KLHL32: variants seen among roughly 807,000 people sequenced by gnomAD.
KLHL32 encodes kelch like family member 32, also known as kelch-like protein 32.
KLHL32 carries 35 observed loss-of-function variants against 64.8 expected under a neutral mutation model. The observed-to-expected ratio is 0.54, with a 90% CI of 0.41 to 0.72. The LOEUF (loss-of-function observed/expected upper bound fraction) is 0.72. Ranked by LOEUF, KLHL32 falls within the 30% of genes least tolerant of loss-of-function variation. The probability of loss-of-function intolerance (pLI) is 0.00; values close to 1 mark genes in which losing one functional copy is unlikely to be tolerated. For synonymous variants in KLHL32, 259 were observed against 281.0 expected, an observed-to-expected ratio of 0.92 and a Z score of 0.78; for missense variants, 589 against 768.5, an observed-to-expected ratio of 0.77 and a Z score of 2.76.
intron 6 of KLHL32, among the ~76,000 whole-genome samples, chr6:97,086,444 G>A (rs1415785913): frequency 6.6e-6 from 1 of 152,130 alleles, no homozygotes; most frequent in Non-Finnish European, 1.5e-5. Flanking sequence ...CGTCCTGAAG[G>A]CCTTCTGGGT....
chr6:96,967,766 A>G (rs1774626966), intron 2 of KLHL32, among the ~76,000 whole-genome samples: 1 of 152,200 alleles, frequency 6.6e-6, no homozygotes, highest in African/African-American at 2.4e-5. Flanking sequence ...AATAATTGTG[A>G]AAGTGCTCTG....
chr6:97,135,433 G>GTAAC (rs1799897147), intron 10 of KLHL32, among the ~76,000 whole-genome samples: 2 of 149,924 alleles, frequency 1.3e-5, no homozygotes, highest in Admixed American at 6.7e-5. Context: ...AGCCTCCTGA[G>GTAAC]TAACTGGGAT....
intron 6 of KLHL32, among the ~76,000 whole-genome samples, chr6:97,095,472 A>T (rs979539199): frequency 6.6e-6 from 1 of 152,174 alleles, no homozygotes; most frequent in Non-Finnish European, 1.5e-5. Flanking sequence ...CACCCCTTGG[A>T]TTCTGGGAGT....
intron 3 of KLHL32, among the ~76,000 whole-genome samples, chr6:96,993,939 C>T (rs1185686059): frequency 2.0e-5 from 3 of 151,934 alleles, no homozygotes; most frequent in Non-Finnish European, 4.4e-5. Context: ...TGGAGAGAGA[C>T]ATTATTATTC....
At chr6:96,912,671 TAAACTG>T in the KLHL32 span, among the ~76,000 whole-genome samples, 1 of 152,214 alleles carries the variant, frequency 6.6e-6, no homozygotes, top group Admixed American at 6.5e-5. Flanking sequence ...GCTTAGGACT[TAAACTG>T]AAACATACAA....
chr6:97,132,634 T>G lies in KLHL32; in HGVS notation c.1607-19T>G. ...AGAAATGGATTTTTTTTCTTTTTATTCAATTCTCTTTACTTTAGGCCAAAA... is the reference window on the plus strand; with the variant it reads ...AGAAATGGATTTTTTTTCTTTTTATGCAATTCTCTTTACTTTAGGCCAAAA... On this transcript the variant is annotated intron_variant, in intron 9 of 10. Transcript: ENST00000369261. 6.5e-7 allele frequency: 1 copy of G among 1,546,700 alleles called. No homozygotes were observed. The highest frequency in any genetic ancestry group is 8.9e-7 in the Non-Finnish European group (1 of 1,125,492).
At chr6:96,957,019 T>C (rs771894781) in intron 1 of KLHL32, among the ~76,000 whole-genome samples, 15 of 152,236 alleles carry the variant, frequency 9.9e-5, no homozygotes, top group Admixed American at 3.3e-4. Context: ...TTAGGGTAAC[T>C]GCAAATGTGG....
intron 5 of KLHL32, among the ~76,000 whole-genome samples, chr6:97,072,278 T>C (rs1790869345): frequency 6.6e-6 from 1 of 152,228 alleles, no homozygotes; most frequent in Non-Finnish European, 1.5e-5. Context: ...ACTTATTTTA[T>C]GGACTAAAGC....
At chr6:96,944,587 A>G (rs1771714923) in intron 1 of KLHL32, among the ~76,000 whole-genome samples, 1 of 152,214 alleles carries the variant, frequency 6.6e-6, no homozygotes, top group South Asian at 2.1e-4. Context: ...AGTACTTGCC[A>G]ACTCATCATG....
chr6:96,917,018 A>C, the KLHL32 span, among the ~76,000 whole-genome samples: 968 of 152,280 alleles, frequency 6.4e-3, 8 homozygotes, highest in East Asian at 0.033. Context: ...ACATAACAAC[A>C]ACCTTAGGAG....
At chr6:97,036,940 C>T (rs1784388185) in intron 3 of KLHL32, among the ~76,000 whole-genome samples, 1 of 152,186 alleles carries the variant, frequency 6.6e-6, no homozygotes, top group Non-Finnish European at 1.5e-5. Context: ...ATATAGTGGT[C>T]AAGGCAATTT....
At chr6:97,132,857 G>A (rs1799591637) in intron 10 of KLHL32, 110 bp downstream of exon 10, 6 of 730,566 alleles carry the variant, frequency 8.2e-6, no homozygotes, top group South Asian at 5.9e-5. Context: ...GAGGCTTAAC[G>A]TCCCGTTTTT....
intron 3 of KLHL32, among the ~76,000 whole-genome samples, chr6:97,007,016 C>A (rs1332426706): frequency 2.6e-5 from 4 of 152,068 alleles, no homozygotes; most frequent in Non-Finnish European, 4.4e-5. Flanking sequence ...TCCACATTTC[C>A]CAAATTTTAG....
chr6:96,911,579 T>A, the KLHL32 span, among the ~76,000 whole-genome samples: 1 of 152,144 alleles, frequency 6.6e-6, no homozygotes, highest in African/African-American at 2.4e-5. Flanking sequence ...TCAAACTTCT[T>A]GAAAGAATTA....
At chr6:96,958,073 T>A (rs1773463693) in intron 1 of KLHL32, among the ~76,000 whole-genome samples, 1 of 152,120 alleles carries the variant, frequency 6.6e-6, no homozygotes, top group African/African-American at 2.4e-5. Context: ...GATGACCAGA[T>A]AATTTATCAT....
At chr6:96,927,952 A>G (rs1769366060) in intron 1 of KLHL32, among the ~76,000 whole-genome samples, 1 of 152,164 alleles carries the variant, frequency 6.6e-6, no homozygotes, top group African/African-American at 2.4e-5. Context: ...TCTTATTTCC[A>G]TTTTACAGAT....
intron 7 of KLHL32, among the ~76,000 whole-genome samples, chr6:97,122,184 A>G (rs1798437437): frequency 1.3e-5 from 2 of 152,192 alleles, no homozygotes; most frequent in Non-Finnish European, 2.9e-5. Flanking sequence ...GTTTGCACCT[A>G]TTTGCTCTAA....
rs1255567516 is a variant in KLHL32 at position 96,924,900 on chromosome 6, G to C, written c.-192G>C. The C allele has an allele frequency of 6.6e-6, 1 of 152,398 alleles. No homozygotes were observed. The highest frequency in any genetic ancestry group is 2.4e-5 in the African/African-American group (1 of 41,434). The allele number at this position is 152,398 out of a possible 1,614,324, so 9.4% of individuals were successfully genotyped here. A position where few individuals can be genotyped will look rare whatever the true frequency, so the allele number is the denominator to read the frequency against. ...TACTGCATCCCCGAACCAGCAGAGC[G>C]AAGCTACTGCGGGTTCTGTTAACCT... On this transcript the variant is annotated 5_prime_UTR_variant, in exon 1 of 11. Transcript: ENST00000369261.
chr6:97,132,054 C>T (rs146268613), intron 9 of KLHL32, among the ~76,000 whole-genome samples: 21 of 152,256 alleles, frequency 1.4e-4, no homozygotes, highest in Middle Eastern at 6.8e-3. Context: ...GGAAACCTTT[C>T]ATCATTTTGG....
Sources: allele counts gnomAD v4.1 joint callset (sites outside exome capture counted in the v4.1 genomes callset), GRCh38; gene constraint gnomAD v4.1.1; transcripts MANE v1.5; gene names NCBI Gene and HGNC (gene_info 2026-07-23, HGNC 2026-07-21).